Variants in NOX4 observed in about 807,000 individuals in gnomAD.
The protein encoded by NOX4 is NADPH oxidase 4.
Under a neutral mutation model 87.6 loss-of-function variants are expected in NOX4, and 69 were observed. The ratio of observed to expected loss-of-function variants is 0.79; its 90% CI spans 0.65 to 0.96. The LOEUF is 0.96. NOX4 is among the 40% of genes least tolerant of loss of function. The pLI, the probability that NOX4 is intolerant of heterozygous loss-of-function variation, is 0.00. For missense variants in NOX4, 680 were observed against 681.5 expected (o/e 1.00, Z 0.02); for synonymous variants, 275 against 238.2 (o/e 1.15, Z -1.42).
intron 11 of NOX4, among the ~76,000 whole-genome samples, chr11:89,398,586 TG>T (rs1941639937): frequency 6.6e-6 from 1 of 151,362 alleles, no homozygotes; most frequent in South Asian, 2.1e-4. Context: ...TCTATTTTCA[TG>T]TTACCAATTT....
the NOX4 span, among the ~76,000 whole-genome samples, chr11:89,581,747 T>C: frequency 6.6e-6 from 1 of 152,192 alleles, no homozygotes; most frequent in Non-Finnish European, 1.5e-5. Context: ...ACATATTTAA[T>C]GCATATAACT....
intron 2 of NOX4, among the ~76,000 whole-genome samples, chr11:89,473,433 G>C (rs140076990): frequency 6.8e-6 from 1 of 146,412 alleles, no homozygotes; most frequent in Non-Finnish European, 1.5e-5. Context: ...AAAATTAGAA[G>C]CCAAAAAGAT....
At chr11:89,498,875 G>A (rs1156522704), upstream of NOX4, 1 of 152,252 alleles carries the variant, frequency 6.6e-6, no homozygotes, top group Admixed American at 6.6e-5. Context: ...CTGCACTCTG[G>A]AAGCCCAGAC....
chr11:89,392,424 G>T (rs192548873), intron 11 of NOX4, among the ~76,000 whole-genome samples: 204 of 152,240 alleles, frequency 1.3e-3, no homozygotes, highest in African/African-American at 4.7e-3. Context: ...GTGAGGTGAG[G>T]AAAAGCTCTC....
chr11:89,404,179 T>C (rs1337801713), intron 8 of NOX4, among the ~76,000 whole-genome samples: 1 of 152,224 alleles, frequency 6.6e-6, no homozygotes, highest in Non-Finnish European at 1.5e-5. Flanking sequence ...ATTGCTGGGA[T>C]ATTATACTTA....
At chr11:89,432,689 C>G in intron 7 of NOX4, 95 bp downstream of exon 7, 1 of 842,376 alleles carries the variant, frequency 1.2e-6, no homozygotes, top group Non-Finnish European at 2.0e-6. Flanking sequence ...AGTCCATTAA[C>G]CAGGACACTA....
chr11:89,376,052 C>T (rs1565212422), intron 11 of NOX4, among the ~76,000 whole-genome samples: 1 of 152,192 alleles, frequency 6.6e-6, no homozygotes, highest in Non-Finnish European at 1.5e-5. Context: ...TGTTTAATAT[C>T]TCACTGGGTC....
At position 89,491,193 on chromosome 11, in the gene NOX4, G is replaced by A; in HGVS notation, c.54C>T (p.Cys18=). Residue 18 remains cysteine, a synonymous_variant, in exon 1 of 18, where the codon TGC becomes TGT. Transcript: ENST00000263317. The part of the protein sequence containing the change: ...WLANEGVKHL[C]LFIWLSMNVL... The stretch of plus-strand genomic sequence containing the variant: ...AGAGCCTAGCCCGCCATCCTACCAG[G>A]CAGAGGTGTTTAACCCCTTCGTTGG... 2 of 1,613,782 alleles carry A rather than the reference G, an allele frequency of 1.2e-6. No homozygotes were observed. Among genetic ancestry groups the A allele is most frequent in the Non-Finnish European group, 1.7e-6 (2 of 1,179,812 alleles).
At chr11:89,465,228 T>C (rs981938132) in intron 2 of NOX4, among the ~76,000 whole-genome samples, 1 of 152,122 alleles carries the variant, frequency 6.6e-6, no homozygotes, top group Non-Finnish European at 1.5e-5. Flanking sequence ...AGTGATAACA[T>C]GCAGTGTTTG....
chr11:89,544,679 C>T, the NOX4 span, among the ~76,000 whole-genome samples: 263 of 152,146 alleles, frequency 1.7e-3, 1 homozygote, highest in Non-Finnish European at 3.1e-3. Context: ...CTTTACAACA[C>T]GGTTAGTTAC....
Position 89,409,396 on chromosome 11 carries a change from G to A in NOX4, c.630-6854C>T, listed in dbSNP as rs548557173. Reference sequence around the variant, plus strand: ...TGGGGAAAAAATAAACTCGCAGTTTGGAAGTTTAAGAAAATCCATTAATAT... The same window carrying A: ...TGGGGAAAAAATAAACTCGCAGTTTAGAAGTTTAAGAAAATCCATTAATAT... On this transcript the variant is annotated intron_variant, in intron 8 of 17. Coordinates refer to ENST00000263317, the MANE Select transcript of NOX4 (RefSeq NM_016931.5). Among the ~76,000 whole-genome samples the A allele has an allele frequency of 9.2e-5, 14 of 152,178 alleles. No homozygotes were observed. The South Asian group carries it at 2.9e-3, about 32-fold the overall frequency.
chr11:89,487,391 CA>C (rs1348145166), intron 2 of NOX4, among the ~76,000 whole-genome samples: 14 of 152,200 alleles, frequency 9.2e-5, no homozygotes, highest in African/African-American at 3.1e-4. Context: ...AACTGTTTCT[CA>C]TTGTCTGTGT....
chr11:89,365,762 A>AAC (rs1434905583), intron 12 of NOX4, among the ~76,000 whole-genome samples: 1 of 151,144 alleles, frequency 6.6e-6, no homozygotes, highest in East Asian at 1.9e-4. Context: ...ACAAAAAAAA[A>AAC]AAAAAAAAAA....
intron 8 of NOX4, among the ~76,000 whole-genome samples, chr11:89,415,362 T>G (rs2135240367): frequency 6.6e-6 from 1 of 152,236 alleles, no homozygotes; most frequent in Non-Finnish European, 1.5e-5. Flanking sequence ...CCCAGTGGCT[T>G]TTATTTTTCC....
At chr11:89,373,016 C>G (rs1939560805) in intron 12 of NOX4, among the ~76,000 whole-genome samples, 1 of 151,782 alleles carries the variant, frequency 6.6e-6, no homozygotes, top group African/African-American at 2.4e-5. Flanking sequence ...GCCCTATATA[C>G]TGGAACACCA....
chr11:89,472,922 T>C (rs947011275), intron 2 of NOX4, among the ~76,000 whole-genome samples: 1 of 152,188 alleles, frequency 6.6e-6, no homozygotes, highest in African/African-American at 2.4e-5. Flanking sequence ...GCCACTTGTC[T>C]CCAGAACCTA....
intron 12 of NOX4, among the ~76,000 whole-genome samples, chr11:89,355,398 A>G (rs1937964294): frequency 6.7e-6 from 1 of 149,126 alleles, no homozygotes; most frequent in Non-Finnish European, 1.5e-5. Flanking sequence ...CTATAAATAT[A>G]CATAATATAT....
Position 89,455,727 on chromosome 11 carries a change from T to C in NOX4, c.154-3832A>G, listed in dbSNP as rs896094664. ...TATCAAGAAGATGAAGTCATATATA[T>C]ATATATATATATATATATGAAACAA... On this transcript the variant is annotated intron_variant, in intron 2 of 17. Transcript: ENST00000263317. Among the ~76,000 whole-genome samples the C allele has an allele frequency of 1.3e-3, 179 of 142,932 alleles. 2 individuals carry two copies. Among genetic ancestry groups the C allele is most frequent in the African/African-American group, 4.8e-3 (168 of 34,702 alleles). 93.8% of individuals were successfully genotyped at this position (142,932 alleles called of 152,430 possible).
the NOX4 span, among the ~76,000 whole-genome samples, chr11:89,506,735 A>G: frequency 6.6e-6 from 1 of 151,900 alleles, no homozygotes; most frequent in South Asian, 2.1e-4. Context: ...CGACTTAATG[A>G]TAAGAAAACA....
Sources: gnomAD v4.1 joint callset for allele counts (sites outside exome capture counted in the v4.1 genomes callset) on GRCh38, gnomAD v4.1.1 for gene constraint, MANE v1.5 for transcripts, NCBI Gene and HGNC (gene_info 2026-07-23, HGNC 2026-07-21) for gene names.